Variants in ETV1 observed in about 807,000 individuals in gnomAD.
ETV1 encodes ETS translocation variant 1.
Under a neutral mutation model 62.3 loss-of-function variants are expected in ETV1, and 27 were observed. That is an observed-to-expected ratio of 0.43 (90% CI 0.32 to 0.60). The LOEUF (loss-of-function observed/expected upper bound fraction) is 0.60, where lower values mean the gene tolerates loss of function less well. Ranked by LOEUF, ETV1 falls within the 20% of genes least tolerant of loss-of-function variation. The pLI is 0.06. For missense variants in ETV1, 605 were observed against 605.8 expected (o/e 1.00, Z 0.01); for synonymous variants, 222 against 199.6 (o/e 1.11, Z -0.94).
intron 6 of ETV1, among the ~76,000 whole-genome samples, chr7:13,961,683 G>A (rs1790185470): frequency 6.6e-6 from 1 of 152,078 alleles, no homozygotes; most frequent in African/African-American, 2.4e-5. Context: ...AAATTAGGGT[G>A]TCCTTGATTG....
intron 6 of ETV1, among the ~76,000 whole-genome samples, chr7:13,943,328 A>G (rs1787781077): frequency 6.6e-6 from 1 of 152,242 alleles, no homozygotes; most frequent in African/African-American, 2.4e-5. Flanking sequence ...ATAGTTACAG[A>G]TATCACTAGA....
upstream of ETV1, chr7:13,989,978 A>G (rs1213312779): frequency 2.3e-5 from 4 of 175,622 alleles, no homozygotes; most frequent in Non-Finnish European, 3.6e-5. Flanking sequence ...GCCAGTTCCC[A>G]TTATTGGGGT....
At chr7:13,958,676 A>T (rs1789785379) in intron 6 of ETV1, 1 of 151,622 alleles carries the variant, frequency 6.6e-6, no homozygotes, top group African/African-American at 2.4e-5. Flanking sequence ...CGTGGTTAAG[A>T]GTATAAACTC....
At chr7:13,951,412 G>A (rs938957497) in intron 6 of ETV1, among the ~76,000 whole-genome samples, 1 of 152,036 alleles carries the variant, frequency 6.6e-6, no homozygotes, top group Non-Finnish European at 1.5e-5. Context: ...CTGTACTTCG[G>A]TTTTCTCATC....
intron 6 of ETV1, 89 bp from the exon 7 acceptor site, chr7:13,939,335 C>T (rs773179882): frequency 1.7e-4 from 186 of 1,124,582 alleles, no homozygotes; most frequent in Non-Finnish European, 1.9e-4. Context: ...TTAAAAAGGT[C>T]ATTCACATTT....
intron 5 of ETV1, chr7:13,986,086 C>A (rs971257169): frequency 6.7e-7 from 1 of 1,502,404 alleles, no homozygotes; most frequent in Admixed American, 2.0e-5. Flanking sequence ...TATTTTAAAC[C>A]CATAGATTTC....
chr7:13,911,873 T>A (rs1783603875), intron 9 of ETV1, among the ~76,000 whole-genome samples: 1 of 152,236 alleles, frequency 6.6e-6, no homozygotes, highest in African/African-American at 2.4e-5. Context: ...GGTTGCAGTA[T>A]AGTTAATCTT....
At chr7:13,906,382 T>C in intron 12 of ETV1, 48 bp downstream of exon 12, 1 of 1,255,180 alleles carries the variant, frequency 8.0e-7, no homozygotes, top group Non-Finnish European at 1.1e-6. Context: ...TCAGTTTCTT[T>C]ATGTTATAAC....
intron 9 of ETV1, among the ~76,000 whole-genome samples, chr7:13,923,270 AG>A (rs1049920995): frequency 4.6e-5 from 7 of 152,342 alleles, no homozygotes; most frequent in Admixed American, 1.3e-4. Flanking sequence ...AAACTCTGCA[AG>A]GGGAAGCCCA....
chr7:13,951,143 A>G (rs1370631196), intron 6 of ETV1, among the ~76,000 whole-genome samples: 2 of 152,052 alleles, frequency 1.3e-5, no homozygotes, highest in Admixed American at 1.3e-4. Context: ...TATTTAACAC[A>G]TAGATAAGAA....
intron 5 of ETV1, 61 bp from the exon 6 acceptor site, chr7:13,977,541 T>A (rs1781575023): frequency 8.7e-7 from 1 of 1,155,298 alleles, no homozygotes; most frequent in African/African-American, 1.6e-5. Context: ...GCATAAGGAA[T>A]GTCAAGTAAA....
intron 9 of ETV1, among the ~76,000 whole-genome samples, chr7:13,926,177 G>C (rs1289132330): frequency 1.3e-5 from 2 of 151,870 alleles, no homozygotes; most frequent in Non-Finnish European, 2.9e-5. Flanking sequence ...TTTGCTTTCT[G>C]TCTCTCTCAA....
chr7:13,989,878 T>C (rs954416640), upstream of ETV1: 2 of 340,814 alleles, frequency 5.9e-6, no homozygotes, highest in South Asian at 1.5e-4. Context: ...GTCCTCAGCC[T>C]GGAAGCGCCA....
intron 5 of ETV1, among the ~76,000 whole-genome samples, chr7:13,980,564 G>C (rs567515628): frequency 2.0e-5 from 3 of 152,134 alleles, no homozygotes; most frequent in African/African-American, 7.2e-5. Context: ...AGGGGAAGAG[G>C]AGGAAAGGAG....
intron 11 of ETV1, among the ~76,000 whole-genome samples, chr7:13,908,487 T>C (rs1216966620): frequency 6.6e-6 from 1 of 152,186 alleles, no homozygotes; most frequent in African/African-American, 2.4e-5. Context: ...AGAATGCTGA[T>C]GCTCTGCTAA....
chr7:13,936,957 G>T (rs916816133), intron 7 of ETV1, among the ~76,000 whole-genome samples: 3 of 152,200 alleles, frequency 2.0e-5, no homozygotes, highest in East Asian at 3.9e-4. Context: ...TGAGAGGATC[G>T]CTTGAACTCG....
intron 9 of ETV1, among the ~76,000 whole-genome samples, chr7:13,913,895 T>TC (rs1440323144): frequency 7.0e-6 from 1 of 142,712 alleles, no homozygotes; most frequent in African/African-American, 2.6e-5. Context: ...TTTTTTTTTT[T>TC]TTTTTTTGAG....
intron 9 of ETV1, among the ~76,000 whole-genome samples, chr7:13,928,794 C>T (rs1395397280): frequency 2.0e-5 from 3 of 152,010 alleles, no homozygotes; most frequent in Non-Finnish European, 4.4e-5. Context: ...CCCGTCTCTA[C>T]TAAAACTACA....
chr7:13,898,387 G>C (rs1782058308), intron 13 of ETV1, among the ~76,000 whole-genome samples: 1 of 152,076 alleles, frequency 6.6e-6, no homozygotes, highest in Non-Finnish European at 1.5e-5. Context: ...GGATAAATTA[G>C]AAATTATCAA....
Sources: allele counts gnomAD v4.1 joint callset (sites outside exome capture counted in the v4.1 genomes callset), GRCh38; gene constraint gnomAD v4.1.1; transcripts MANE v1.5; gene names NCBI Gene and HGNC (gene_info 2026-07-23, HGNC 2026-07-21).